CAP1: variants seen among roughly 807,000 people sequenced by gnomAD.
CAP1 encodes the protein adenylyl cyclase-associated protein 1.
In CAP1, 11 loss-of-function variants were observed where a neutral mutation model predicts 58.2. That is an observed-to-expected ratio of 0.19 (90% CI 0.12 to 0.31). The LOEUF (loss-of-function observed/expected upper bound fraction) is 0.31, where lower values mean the gene tolerates loss of function less well. CAP1 is among the 10% of genes least tolerant of loss of function. The pLI, the probability that CAP1 is intolerant of heterozygous loss-of-function variation, is 1.00. For synonymous variants in CAP1, 183 were observed against 213.8 expected, an observed-to-expected ratio of 0.86 and a Z score of 1.26; for missense variants, 423 against 587.5, an observed-to-expected ratio of 0.72 and a Z score of 2.89.
intron 4 of CAP1, among the ~76,000 whole-genome samples, chr1:40,063,390 T>C (rs1428871746): frequency 6.6e-6 from 1 of 152,150 alleles, no homozygotes; most frequent in Admixed American, 6.5e-5. Context: ...TTGCCCAGGC[T>C]GATCTTAAAC....
At chr1:40,064,887 A>G (rs1647009124) in intron 6 of CAP1, among the ~76,000 whole-genome samples, 2 of 152,176 alleles carry the variant, frequency 1.3e-5, no homozygotes, top group Admixed American at 6.5e-5. Flanking sequence ...TCAAGGGGTA[A>G]AGGATAAACC....
chr1:40,068,223 TG>T lies in CAP1; in HGVS notation c.808+507del, dbSNP rs1332454172. ...AATGGTGTAACAACCTAAATCCAAC[TG>T]TAAGAGAAATGGCTAACTACCACAT... On this transcript the variant is annotated intron_variant, in intron 8 of 12. Coordinates refer to ENST00000372805, the MANE Select transcript of CAP1 (RefSeq NM_006367.4). 1.6e-4 allele frequency among the ~76,000 whole-genome samples: 24 copies of T among 152,194 alleles called. No homozygotes were observed. In the East Asian group the frequency reaches 4.7e-3, roughly 29 times the overall value.
intron 1 of CAP1, among the ~76,000 whole-genome samples, chr1:40,043,550 A>G (rs1455862146): frequency 6.6e-6 from 1 of 152,134 alleles, no homozygotes. Flanking sequence ...TGTGGGTGGC[A>G]GTTTGCTAAT....
intron 10 of CAP1, 43 bp downstream of exon 10, chr1:40,070,325 C>T: frequency 1.2e-6 from 2 of 1,613,202 alleles, no homozygotes; most frequent in Non-Finnish European, 1.7e-6. Flanking sequence ...GTCCCAGAGC[C>T]CGAGAAGGCT....
intron 6 of CAP1, 40 bp downstream of exon 6, chr1:40,064,599 C>T (rs1301974910): frequency 6.7e-7 from 1 of 1,492,140 alleles, no homozygotes. Context: ...TTTTCTGAGA[C>T]AGTGTCTTGC....
At chr1:40,071,003 A>G (rs1239549530) in intron 12 of CAP1, 24 bp downstream of exon 12, 2 of 1,589,936 alleles carry the variant, frequency 1.3e-6, no homozygotes, top group Non-Finnish European at 1.7e-6. Context: ...TCTCTTTAGT[A>G]TGATGTTAAA....
At chr1:40,061,462 A>G (rs554452667) in intron 3 of CAP1, among the ~76,000 whole-genome samples, 87 of 152,204 alleles carry the variant, frequency 5.7e-4, no homozygotes, top group Non-Finnish European at 1.5e-4. Context: ...ATCACAATGC[A>G]TGTGTAAGAT....
At chr1:40,043,747 C>G (rs1354337074) in intron 1 of CAP1, among the ~76,000 whole-genome samples, 1 of 152,050 alleles carries the variant, frequency 6.6e-6, no homozygotes, top group Non-Finnish European at 1.5e-5. Flanking sequence ...CGTGGTTGTG[C>G]ATGCCTGTAG....
intron 1 of CAP1, among the ~76,000 whole-genome samples, chr1:40,050,443 G>A (rs1646307181): frequency 3.1e-4 from 1 of 3,188 alleles, no homozygotes; most frequent in Non-Finnish European, 6.7e-4. Context: ...TGGATCACCT[G>A]AGATCAGGAG....
At chr1:40,065,274 C>G (rs184304526) in intron 6 of CAP1, among the ~76,000 whole-genome samples, 1 of 152,340 alleles carries the variant, frequency 6.6e-6, no homozygotes, top group Admixed American at 6.5e-5. Flanking sequence ...CTAGCCAATG[C>G]AGGTATTACG....
Position 40,070,301 on chromosome 1 carries a change from C to T in CAP1, c.1117+19C>T, listed in dbSNP as rs1220740128. The stretch of plus-strand genomic sequence containing the variant: ...ACAGTAGGTGAGTCTTTGTCGCTGT[C>T]CCACGCAAGCCCCGTCCCAGAGCCC... On this transcript the variant is annotated intron_variant, in intron 10 of 12. Transcript: ENST00000372805. 6.2e-7 allele frequency: 1 copy of T among 1,613,884 alleles called. No homozygotes were observed. The highest frequency in any genetic ancestry group is 1.7e-5 in the Admixed American group (1 of 60,006).
intron 1 of CAP1, among the ~76,000 whole-genome samples, chr1:40,051,297 C>T (rs1333243857): frequency 1.3e-5 from 2 of 152,190 alleles, no homozygotes; most frequent in Non-Finnish European, 2.9e-5. Flanking sequence ...CATCTGTAAT[C>T]CCAGCATTTT....
At chr1:40,058,361 A>C (rs1646701714) in intron 1 of CAP1, among the ~76,000 whole-genome samples, 1 of 152,114 alleles carries the variant, frequency 6.6e-6, no homozygotes. Context: ...TTCTTATGTC[A>C]CCTTAACATT....
chr1:40,061,156 C>CTTT (rs34925764), intron 3 of CAP1, among the ~76,000 whole-genome samples: 1 of 147,224 alleles, frequency 6.8e-6, no homozygotes, highest in Admixed American at 6.8e-5. Context: ...TTCTGCTGTA[C>CTTT]TTTTTTTTTT....
At chr1:40,040,852 G>A (rs989156712) in intron 1 of CAP1, 51 bp downstream of exon 1, 1 of 152,930 alleles carries the variant, frequency 6.5e-6, no homozygotes, top group East Asian at 1.9e-4. Flanking sequence ...GGGCCCATCG[G>A]CCCCTGGTGG....
chr1:40,060,034 A>G (rs1557685996), intron 2 of CAP1, 33 bp from the exon 3 acceptor site: 5 of 1,562,706 alleles, frequency 3.2e-6, no homozygotes, highest in African/African-American at 2.7e-5. Flanking sequence ...CTTCTGATGC[A>G]TGGCTGATTC....
intron 1 of CAP1, among the ~76,000 whole-genome samples, chr1:40,052,937 A>G (rs1570367576): frequency 7.2e-6 from 1 of 138,372 alleles, no homozygotes. Context: ...AAAAATACAA[A>G]AAATTGGCCA....
chr1:40,058,601 C>T (rs1646714378), intron 1 of CAP1, among the ~76,000 whole-genome samples: 1 of 152,014 alleles, frequency 6.6e-6, no homozygotes, highest in Admixed American at 6.6e-5. Flanking sequence ...GTGGCGCACA[C>T]CTATAACCCT....
intron 6 of CAP1, among the ~76,000 whole-genome samples, chr1:40,064,869 G>A (rs1276456993): frequency 6.6e-6 from 1 of 152,162 alleles, no homozygotes; most frequent in Admixed American, 6.5e-5. Context: ...GCCAAGTTCA[G>A]CTTTTTCTCA....
Sources: gnomAD v4.1 joint callset for allele counts (sites outside exome capture counted in the v4.1 genomes callset) on GRCh38, gnomAD v4.1.1 for gene constraint, MANE v1.5 for transcripts, NCBI Gene and HGNC (gene_info 2026-07-23, HGNC 2026-07-21) for gene names.